KALRN: variants seen among roughly 807,000 people sequenced by gnomAD.
KALRN encodes the protein kalirin.
KALRN carries 70 observed loss-of-function variants against 353.7 expected under a neutral mutation model. The observed-to-expected ratio is 0.20, with a 90% confidence interval of 0.16 to 0.24. The LOEUF is 0.24. Ranked by LOEUF, KALRN falls within the 10% of genes least tolerant of loss-of-function variation. The pLI, the probability that KALRN is intolerant of heterozygous loss-of-function variation, is 1.00. For synonymous variants in KALRN, 1,391 were observed against 1,434.8 expected (o/e 0.97, Z 0.69); for missense variants, 2,791 against 3,756.7 (o/e 0.74, Z 6.72).
At chr3:124,054,377 A>AAAAAT (rs2041328718) in intron 1 of KALRN, among the ~76,000 whole-genome samples, 1 of 151,898 alleles carries the variant, frequency 6.6e-6, no homozygotes, top group African/African-American at 2.4e-5. Context: ...AAATAAAAAT[A>AAAAAT]AAAATAAAAT....
chr3:124,330,406 T>A (rs1330010772), intron 8 of KALRN, among the ~76,000 whole-genome samples: 2 of 152,156 alleles, frequency 1.3e-5, no homozygotes, highest in African/African-American at 2.4e-5. Flanking sequence ...AGTGGAGATG[T>A]ACACACTAGC....
At chr3:124,068,597 A>G (rs141073647) in intron 1 of KALRN, among the ~76,000 whole-genome samples, 237 of 152,326 alleles carry the variant, frequency 1.6e-3, no homozygotes, top group African/African-American at 5.2e-3. Flanking sequence ...GGCAGCTAGT[A>G]CAAAACCCTC....
At chr3:124,368,118 G>A (rs1465420615) in intron 10 of KALRN, among the ~76,000 whole-genome samples, 1 of 71,156 alleles carries the variant, frequency 1.4e-5, no homozygotes, top group Non-Finnish European at 2.8e-5. Flanking sequence ...CTCCCGGACG[G>A]GGCAGCTGGC....
intron 1 of KALRN, among the ~76,000 whole-genome samples, chr3:124,150,760 A>G (rs2067988221): frequency 6.6e-6 from 1 of 152,232 alleles, no homozygotes; most frequent in Non-Finnish European, 1.5e-5. Flanking sequence ...TTCTAAGTGT[A>G]CAGCTCCACG....
intron 1 of KALRN, among the ~76,000 whole-genome samples, chr3:124,061,134 C>T (rs78998556): frequency 0.011 from 1,714 of 152,250 alleles, 27 homozygotes; most frequent in African/African-American, 0.039. Flanking sequence ...ACTAGCTGTG[C>T]GGAGGCAGAT....
At chr3:124,275,460 A>G (rs970769653) in intron 5 of KALRN, among the ~76,000 whole-genome samples, 1 of 152,130 alleles carries the variant, frequency 6.6e-6, no homozygotes, top group Non-Finnish European at 1.5e-5. Context: ...AAAATAAGAA[A>G]CCTCTCAGCA....
chr3:124,155,292 C>A (rs762329323), intron 1 of KALRN, among the ~76,000 whole-genome samples: 1 of 152,044 alleles, frequency 6.6e-6, no homozygotes, highest in African/African-American at 2.4e-5. Context: ...GATTTTTTTT[C>A]TCCTGTTTTG....
Position 124,206,794 on chromosome 3 carries a change from A to G in KALRN, c.74-21196A>G, listed in dbSNP as rs527451370. 2.2e-4 allele frequency among the ~76,000 whole-genome samples: 34 copies of G among 152,314 alleles called. 1 individual carries two copies. The South Asian group carries it at 7.0e-3, about 32-fold the overall frequency. Reference sequence around the variant, plus strand: ...AATATTTGCTGTTGTGTTTATAATTACCACATCATTAACAGTCAATGGGAT... The same window carrying G: ...AATATTTGCTGTTGTGTTTATAATTGCCACATCATTAACAGTCAATGGGAT... On this transcript the variant is annotated intron_variant, in intron 1 of 59. Transcript: ENST00000682506.
At chr3:124,541,365 G>A (rs974881001) in intron 33 of KALRN, among the ~76,000 whole-genome samples, 1 of 151,936 alleles carries the variant, frequency 6.6e-6, no homozygotes, top group South Asian at 2.1e-4. Context: ...CAGGAGGATT[G>A]CTTGAACCCA....
intron 5 of KALRN, among the ~76,000 whole-genome samples, chr3:124,285,349 C>T (rs1300933571): frequency 6.6e-6 from 1 of 152,074 alleles, no homozygotes; most frequent in Non-Finnish European, 1.5e-5. Flanking sequence ...AACTACACTA[C>T]CCAACAGGAC....
intron 33 of KALRN, among the ~76,000 whole-genome samples, chr3:124,555,711 A>G (rs1216120191): frequency 6.6e-6 from 1 of 152,172 alleles, no homozygotes; most frequent in Non-Finnish European, 1.5e-5. Flanking sequence ...TAGGCATCTC[A>G]GTTATATATC....
intron 3 of KALRN, among the ~76,000 whole-genome samples, chr3:124,248,070 C>T (rs2070581735): frequency 6.6e-6 from 1 of 152,222 alleles, no homozygotes; most frequent in African/African-American, 2.4e-5. Context: ...TGAGTCCCAT[C>T]CCTTCTATGA....
At chr3:124,247,037 A>G (rs2070382171) in intron 3 of KALRN, among the ~76,000 whole-genome samples, 1 of 152,050 alleles carries the variant, frequency 6.6e-6, no homozygotes. Context: ...TCATTGGTTA[A>G]GTCTGATTAT....
At chr3:124,198,073 G>T (rs573073981) in intron 1 of KALRN, among the ~76,000 whole-genome samples, 1 of 152,240 alleles carries the variant, frequency 6.6e-6, no homozygotes, top group Admixed American at 6.5e-5. Context: ...ATAACAATGA[G>T]GTATTACTTC....
intron 1 of KALRN, among the ~76,000 whole-genome samples, chr3:124,068,152 G>A (rs148977814): frequency 2.0e-5 from 3 of 152,294 alleles, no homozygotes; most frequent in South Asian, 2.1e-4. Flanking sequence ...ACAAAGTTTG[G>A]ATAACTTAAC....
At chr3:124,492,711 T>C in intron 31 of KALRN, 29 bp from the exon 32 acceptor site, 1 of 1,609,702 alleles carries the variant, frequency 6.2e-7, no homozygotes, top group Non-Finnish European at 8.5e-7. Flanking sequence ...GAGTTGGGGT[T>C]CTCAGTCTTT....
At chr3:124,344,201 T>G (rs1401568115) in intron 9 of KALRN, among the ~76,000 whole-genome samples, 1 of 152,242 alleles carries the variant, frequency 6.6e-6, no homozygotes, top group Non-Finnish European at 1.5e-5. Flanking sequence ...GACTAGAAAG[T>G]CAATTTATTC....
chr3:124,647,782 A>G (rs1313503635), intron 37 of KALRN, among the ~76,000 whole-genome samples: 1 of 152,208 alleles, frequency 6.6e-6, no homozygotes, highest in Admixed American at 6.5e-5. Flanking sequence ...CCATGCAGGG[A>G]GTATGTAAAG....
chr3:124,234,592 A>G (rs1185918232), intron 2 of KALRN, among the ~76,000 whole-genome samples: 1 of 152,226 alleles, frequency 6.6e-6, no homozygotes, highest in Non-Finnish European at 1.5e-5. Context: ...TAATGTGCAC[A>G]GTACTGTTTT....
Sources: gnomAD v4.1 joint callset for allele counts (sites outside exome capture counted in the v4.1 genomes callset) on GRCh38, gnomAD v4.1.1 for gene constraint, MANE v1.5 for transcripts, NCBI Gene and HGNC (gene_info 2026-07-23, HGNC 2026-07-21) for gene names.